Variants in NRAP observed in about 807,000 individuals in gnomAD.
NRAP encodes nebulin related anchoring protein.
Under a neutral mutation model 225.9 loss-of-function variants are expected in NRAP, and 189 were observed. The observed-to-expected ratio is 0.84, with a 90% CI of 0.74 to 0.94. The LOEUF (loss-of-function observed/expected upper bound fraction) is 0.94, where lower values mean the gene tolerates loss of function less well. Among genes scored for constraint, NRAP ranks in the 40% least tolerant of loss-of-function variants. The pLI, the probability that NRAP is intolerant of heterozygous loss-of-function variation, is 0.00. For synonymous variants in NRAP, 769 were observed against 790.7 expected, an observed-to-expected ratio of 0.97 and a Z score of 0.46; for missense variants, 2,176 against 2,168.7, an observed-to-expected ratio of 1.00 and a Z score of -0.07.
At chr10:113,603,304 G>A (rs1327142022) in intron 35 of NRAP, among the ~76,000 whole-genome samples, 6 of 152,120 alleles carry the variant, frequency 3.9e-5, no homozygotes, top group African/African-American at 1.4e-4. Context: ...CTTGCACCAT[G>A]ATGTGGGAGG....
chr10:113,649,225 A>T (rs1564754728), intron 9 of NRAP, among the ~76,000 whole-genome samples: 1 of 152,252 alleles, frequency 6.6e-6, no homozygotes, highest in East Asian at 1.9e-4. Flanking sequence ...TAACTATGGC[A>T]ATGTGTCTTT....
chr10:113,643,025 TTC>T lies in NRAP; in HGVS notation c.1122_1123del (p.Lys375GlyfsTer5). On this transcript the variant is annotated frameshift_variant, in exon 12 of 42. Coordinates refer to ENST00000359988, the MANE Select transcript of NRAP (RefSeq NM_198060.4). LOFTEE classifies it high-confidence loss of function. ...GTGACCTCTACTACTTTCCAGATCC[TTC>T]TTATACTCCACCTTGGAAATCAAAA... 1 of 1,556,820 alleles carries T rather than the reference TTC, an allele frequency of 6.4e-7. No homozygotes were observed. The highest frequency in any genetic ancestry group is 8.9e-7 in the Non-Finnish European group (1 of 1,127,928).
In NRAP at chr10:113,588,976, C is replaced by CACA. The variant is rs1845752224; in HGVS notation, c.5189_5191dup (p.Leu1730dup). ...CTCAGGAATCAGGGTGGACATGGCTCACAACAGCAGGGCCTTCTTCTTTTT... is the reference window on the plus strand; with the variant it reads ...CTCAGGAATCAGGGTGGACATGGCTCACAACAACAGCAGGGCCTTCTTCTTTTT... On this transcript the variant is annotated inframe_insertion, in exon 42 of 42. Transcript: ENST00000359988. The CACA allele has an allele frequency of 3.1e-6, 5 of 1,612,282 alleles. No homozygotes were observed. In the Admixed American group the frequency reaches 5.0e-5, roughly 16 times the overall value.
At chr10:113,631,678 T>A in intron 17 of NRAP, 68 bp from the exon 18 acceptor site, 1 of 1,084,896 alleles carries the variant, frequency 9.2e-7, no homozygotes, top group Non-Finnish European at 1.4e-6. Context: ...GCTCTGGTTT[T>A]AACAAGTGCA....
intron 26 of NRAP, among the ~76,000 whole-genome samples, chr10:113,616,095 C>T (rs541595953): frequency 6.6e-5 from 10 of 152,254 alleles, no homozygotes; most frequent in Non-Finnish European, 1.2e-4. Context: ...AATGAGAAAA[C>T]GAGGTTTACT....
chr10:113,648,467 C>CTCTCTCTCTCTATATATATA (rs749486311), intron 9 of NRAP, among the ~76,000 whole-genome samples: 13 of 87,360 alleles, frequency 1.5e-4, no homozygotes, highest in Admixed American at 4.5e-4. Flanking sequence ...CTCTCTCTCT[C>CTCTCTCTCTCTATATATATA]TATATATATA....
chr10:113,606,122 A>C, intron 33 of NRAP, 56 bp downstream of exon 33: 1 of 1,269,932 alleles, frequency 7.9e-7, no homozygotes, highest in Non-Finnish European at 1.2e-6. Context: ...TACTTCACAG[A>C]TGTAGACATA....
At chr10:113,662,346 A>C (rs1295815419) in intron 3 of NRAP, among the ~76,000 whole-genome samples, 1 of 152,146 alleles carries the variant, frequency 6.6e-6, no homozygotes, top group Admixed American at 6.6e-5. Context: ...TCGAGTATTT[A>C]TCATTTCTAT....
rs775264931 is a variant in NRAP, at chr10:113,662,743, A to C, written c.191T>G (p.Phe64Cys). Reference protein sequence around the residue: ...CHAHNPKNNTFTSVYHTPLNL... With the variant: ...CHAHNPKNNTCTSVYHTPLNL... ...TAATGGAGTGTGATAGACACTGGTG[A>C]AAGTGTTGTTCTTAGGGTTATGGCT... The change falls in exon 3 of 42, where the codon TTC becomes TGC. Residue 64 changes from phenylalanine to cysteine, a missense_variant. Around this residue, in one of 3 missense-constraint regions of NRAP, gnomAD observed 1,708 missense variants for 1,695.5 expected, o/e 1.01. Transcript: ENST00000359988. The C allele has an allele frequency of 1.3e-6, 2 of 1,598,096 alleles. No homozygotes were observed. The highest frequency in any genetic ancestry group is 3.4e-5 in the Admixed American group (2 of 59,694).
intron 11 of NRAP, among the ~76,000 whole-genome samples, chr10:113,645,277 T>C (rs2134120010): frequency 6.6e-6 from 1 of 152,324 alleles, no homozygotes; most frequent in South Asian, 2.1e-4. Context: ...CCTGGGAGGA[T>C]TTAGGAAGTA....
intron 26 of NRAP, among the ~76,000 whole-genome samples, chr10:113,616,337 A>C (rs762081391): frequency 2.0e-5 from 3 of 152,186 alleles, no homozygotes; most frequent in Non-Finnish European, 4.4e-5. Flanking sequence ...GATAGTTAAT[A>C]ATGACACATG....
chr10:113,656,177 T>A (rs1850296819), intron 4 of NRAP, among the ~76,000 whole-genome samples: 1 of 152,220 alleles, frequency 6.6e-6, no homozygotes, highest in South Asian at 2.1e-4. Context: ...GGAGGCTTCA[T>A]CTGCATGATA....
At position 113,651,884 on chromosome 10, in the gene NRAP, A is replaced by T; in HGVS notation, c.594T>A (p.Asp198Glu). 14 of 1,612,766 alleles carry T rather than the reference A, an allele frequency of 8.7e-6. No homozygotes were observed. Among genetic ancestry groups the T allele is most frequent in the Non-Finnish European group, 1.2e-5 (14 of 1,178,850 alleles). ...ASQVEYKRGH[D>E]ERISRFSTVV... ...CCGTGGAGAACCTGGAGATGCGTTCATCATGCCCTCTCTTATACTCCACCT... is the reference window on the plus strand; with the variant it reads ...CCGTGGAGAACCTGGAGATGCGTTCTTCATGCCCTCTCTTATACTCCACCT... Residue 198 changes from aspartate to glutamate, a missense_variant, in exon 7 of 42, where the codon GAT becomes GAA. Transcript: ENST00000359988.
intron 22 of NRAP, among the ~76,000 whole-genome samples, 158 bp from the exon 23 acceptor site, chr10:113,623,794 A>G (rs1369513058): frequency 6.6e-6 from 1 of 152,214 alleles, no homozygotes. Flanking sequence ...GAATACAGCC[A>G]GGCCTTCTTC....
intron 32 of NRAP, 129 bp downstream of exon 32, chr10:113,608,285 G>T: frequency 3.2e-6 from 2 of 622,626 alleles, no homozygotes; most frequent in East Asian, 2.7e-5. Flanking sequence ...TCCATATAAT[G>T]ACATTCTTTT....
chr10:113,599,765 C>T (rs1410985164), intron 35 of NRAP, among the ~76,000 whole-genome samples: 1 of 152,030 alleles, frequency 6.6e-6, no homozygotes, highest in African/African-American at 2.4e-5. Context: ...AATCTGCTAC[C>T]CAAAGATGGT....
intron 19 of NRAP, 30 bp from the exon 20 acceptor site, chr10:113,629,051 T>G (rs753936676): frequency 6.8e-7 from 1 of 1,464,030 alleles, no homozygotes; most frequent in South Asian, 1.1e-5. Context: ...AAGCTCTCAT[T>G]GGGCGCATGG....
rs549880343 is a variant in NRAP at position 113,596,829 on chromosome 10, T to A, written c.4431+257A>T. ...TCCTCATTTAATTCATTTAATCTTA[T>A]GAAATGGTTGCTATTATTATCCTCC... On this transcript the variant is annotated intron_variant, in intron 37 of 41. Transcript: ENST00000359988. 2.0e-5 allele frequency among the ~76,000 whole-genome samples: 3 copies of A among 152,342 alleles called. No individual in the cohort carries two copies. The East Asian group carries it at 5.8e-4, about 29-fold the overall frequency.
At chr10:113,624,664 T>TGATCAGGAGCCA (rs1848185088) in intron 22 of NRAP, among the ~76,000 whole-genome samples, 162 bp downstream of exon 22, 1 of 152,146 alleles carries the variant, frequency 6.6e-6, no homozygotes, top group South Asian at 2.1e-4. Context: ...CCTAAAACAC[T>TGATCAGGAGCCA]GATCAGGAGC....
Sources: allele counts gnomAD v4.1 joint callset (sites outside exome capture counted in the v4.1 genomes callset), GRCh38; gene constraint gnomAD v4.1.1; regional missense constraint gnomAD v4.1.1; transcripts MANE v1.5; gene names NCBI Gene and HGNC (gene_info 2026-07-23, HGNC 2026-07-21).